The following TMEM163 variants were observed in gnomAD, a reference collection of about 807,000 sequenced individuals.
TMEM163 encodes transmembrane protein 163.
TMEM163 carries 17 observed loss-of-function variants against 29.3 expected under a neutral mutation model. That is an observed-to-expected ratio of 0.58 (90% confidence interval 0.40 to 0.87). The LOEUF is 0.87. Among genes scored for constraint, TMEM163 ranks in the 40% least tolerant of loss-of-function variants. TMEM163 has a pLI of 0.00. For synonymous variants in TMEM163, 157 were observed against 160.6 expected, an observed-to-expected ratio of 0.98 and a Z score of 0.17; for missense variants, 303 against 381.5, an observed-to-expected ratio of 0.79 and a Z score of 1.71.
intron 2 of TMEM163, among the ~76,000 whole-genome samples, chr2:134,594,169 T>C (rs967505023): frequency 1.3e-5 from 2 of 151,212 alleles, no homozygotes; most frequent in African/African-American, 4.9e-5. Flanking sequence ...GAAACACTTG[T>C]AATCTGCATC....
chr2:134,716,064 AGCTT>A (rs1685031700), intron 1 of TMEM163, among the ~76,000 whole-genome samples: 1 of 152,186 alleles, frequency 6.6e-6, no homozygotes, highest in Non-Finnish European at 1.5e-5. Context: ...AAGTTTGTCA[AGCTT>A]GAACTCTGTG....
At chr2:134,657,178 C>T (rs1017461792) in intron 2 of TMEM163, among the ~76,000 whole-genome samples, 1 of 152,150 alleles carries the variant, frequency 6.6e-6, no homozygotes, top group African/African-American at 2.4e-5. Flanking sequence ...GGTACAAGCT[C>T]TTCTTTGTAC....
At chr2:134,667,387 C>A (rs960006080) in intron 2 of TMEM163, among the ~76,000 whole-genome samples, 2 of 152,182 alleles carry the variant, frequency 1.3e-5, no homozygotes. Context: ...AGAGAGAGGC[C>A]AAGCTTTCTC....
chr2:134,690,796 T>C (rs1310733796), intron 2 of TMEM163, among the ~76,000 whole-genome samples: 1 of 152,246 alleles, frequency 6.6e-6, no homozygotes, highest in Non-Finnish European at 1.5e-5. Context: ...ATAATCACAG[T>C]TGTGGCCATT....
At chr2:134,459,447 C>T (rs957290659) in intron 6 of TMEM163, among the ~76,000 whole-genome samples, 36 of 152,318 alleles carry the variant, frequency 2.4e-4, no homozygotes, top group African/African-American at 8.4e-4. Flanking sequence ...GGAACAAGGG[C>T]TGGTTCTTGC....
At chr2:134,464,947 G>A (rs572104611) in intron 6 of TMEM163, among the ~76,000 whole-genome samples, 4 of 152,222 alleles carry the variant, frequency 2.6e-5, no homozygotes, top group South Asian at 2.1e-4. Flanking sequence ...ACCATGCTCC[G>A]TCCTGCGGGT....
At chr2:134,468,332 A>G (rs1686714122) in intron 5 of TMEM163, 1 of 152,362 alleles carries the variant, frequency 6.6e-6, no homozygotes, top group Non-Finnish European at 1.5e-5. Flanking sequence ...CCACCATCTC[A>G]TGAACCAGGA....
intron 2 of TMEM163, among the ~76,000 whole-genome samples, chr2:134,696,278 T>C (rs1684579626): frequency 6.6e-6 from 1 of 152,174 alleles, no homozygotes; most frequent in African/African-American, 2.4e-5. Flanking sequence ...CCTATTCAAC[T>C]TTCCTGGTCT....
At chr2:134,541,215 A>C (rs1680658892) in intron 4 of TMEM163, among the ~76,000 whole-genome samples, 1 of 152,238 alleles carries the variant, frequency 6.6e-6, no homozygotes, top group Non-Finnish European at 1.5e-5. Context: ...CTGGCAACCC[A>C]TTTCCCAAAA....
chr2:134,466,316 A>G, intron 5 of TMEM163, 91 bp from the exon 6 acceptor site: 1 of 1,048,076 alleles, frequency 9.5e-7, no homozygotes, highest in Non-Finnish European at 1.4e-6. Flanking sequence ...GCCTTGTTCC[A>G]AGTACAAATA....
intron 5 of TMEM163, among the ~76,000 whole-genome samples, chr2:134,489,168 T>A (rs1338409909): frequency 6.6e-6 from 1 of 152,180 alleles, no homozygotes; most frequent in East Asian, 1.9e-4. Context: ...AATAAAAAAC[T>A]GGAAACTACC....
At chr2:134,459,658 C>T (rs1195252311) in intron 6 of TMEM163, among the ~76,000 whole-genome samples, 4 of 151,984 alleles carry the variant, frequency 2.6e-5, no homozygotes, top group African/African-American at 7.3e-5. Flanking sequence ...TCCCCCAGCC[C>T]TTCCCAAAGT....
At chr2:134,580,201 A>T (rs1469544192) in intron 2 of TMEM163, among the ~76,000 whole-genome samples, 1 of 152,212 alleles carries the variant, frequency 6.6e-6, no homozygotes, top group African/African-American at 2.4e-5. Context: ...TCTGCACCTC[A>T]ATGACTTTTG....
intron 2 of TMEM163, among the ~76,000 whole-genome samples, chr2:134,567,016 TAC>T (rs751972184): frequency 6.6e-6 from 1 of 152,210 alleles, no homozygotes; most frequent in African/African-American, 2.4e-5. Context: ...TCAGAGAAGC[TAC>T]ACAAGAAATT....
chr2:134,565,637 T>G (rs1277190525), intron 2 of TMEM163, among the ~76,000 whole-genome samples: 4 of 151,456 alleles, frequency 2.6e-5, no homozygotes, highest in Non-Finnish European at 1.5e-5. Context: ...TACATACATA[T>G]GGATACTTGA....
intron 2 of TMEM163, among the ~76,000 whole-genome samples, chr2:134,572,813 T>G (rs1681464171): frequency 6.6e-6 from 1 of 152,216 alleles, no homozygotes. Flanking sequence ...AGGAGGCCTG[T>G]ACAGCCCTGC....
chr2:134,631,100 T>G (rs1416428977), intron 2 of TMEM163, among the ~76,000 whole-genome samples: 1 of 152,104 alleles, frequency 6.6e-6, no homozygotes, highest in Non-Finnish European at 1.5e-5. Context: ...ATTCCAGGTG[T>G]ACAGAAGGAC....
At position 134,550,566 on chromosome 2, in the gene TMEM163, T is replaced by C. The variant is rs371637444; in HGVS notation, c.458+4A>G. On this transcript the variant is annotated splice_donor_region_variant and intron_variant, in intron 4 of 7. Transcript: ENST00000281924. ...AGCCTGGAGAAAGACAAGAATCTAC[T>C]TACATGTACTCCCTATGGGCAGAGT... 3.1e-6 allele frequency: 5 copies of C among 1,613,786 alleles called. No individual in the cohort carries two copies. Among genetic ancestry groups the C allele is most frequent in the Non-Finnish European group, 4.2e-6 (5 of 1,179,876 alleles).
chr2:134,708,189 G>A (rs1684859267), intron 2 of TMEM163, among the ~76,000 whole-genome samples: 1 of 152,134 alleles, frequency 6.6e-6, no homozygotes, highest in African/African-American at 2.4e-5. Context: ...GCCTGGCCAA[G>A]GCCAGACCTT....
Sources: gnomAD v4.1 joint callset for allele counts (sites outside exome capture counted in the v4.1 genomes callset) on GRCh38, gnomAD v4.1.1 for gene constraint, MANE v1.5 for transcripts, NCBI Gene and HGNC (gene_info 2026-07-23, HGNC 2026-07-21) for gene names.